PDE4D: variants seen among roughly 807,000 people sequenced by gnomAD.
PDE4D encodes the protein 3',5'-cyclic-AMP phosphodiesterase 4D.
In PDE4D, 24 loss-of-function variants were observed where a neutral mutation model predicts 87.4. That is an observed-to-expected ratio of 0.27 (90% CI 0.20 to 0.39). The LOEUF (loss-of-function observed/expected upper bound fraction) is 0.39. PDE4D is among the 10% of genes least tolerant of loss of function. The pLI is 1.00. For synonymous variants in PDE4D, 384 were observed against 383.2 expected (o/e 1.00, Z -0.02); for missense variants, 714 against 1,041.0 (o/e 0.69, Z 4.32).
intron 5 of PDE4D, among the ~76,000 whole-genome samples, chr5:59,138,647 G>A (rs1777473105): frequency 6.6e-6 from 1 of 152,186 alleles, no homozygotes; most frequent in African/African-American, 2.4e-5. Context: ...GTGGGTGGGT[G>A]TGCTCCTTTT....
chr5:59,581,229 A>G (rs535932499), intron 1 of PDE4D, among the ~76,000 whole-genome samples: 1 of 152,166 alleles, frequency 6.6e-6, no homozygotes, highest in Admixed American at 6.6e-5. Context: ...GGATTTTTTT[A>G]AAAAGGAACA....
At chr5:60,072,804 G>A (rs1157116128) in intron 2 of PDE4D, among the ~76,000 whole-genome samples, 1 of 152,056 alleles carries the variant, frequency 6.6e-6, no homozygotes, top group Non-Finnish European at 1.5e-5. Flanking sequence ...GATGGTTGTA[G>A]GTGTGCAGCC....
chr5:59,561,777 AAAAAAT>A (rs1338557723), intron 1 of PDE4D, among the ~76,000 whole-genome samples: 1 of 151,752 alleles, frequency 6.6e-6, no homozygotes, highest in African/African-American at 2.4e-5. Context: ...TAAAAATTCA[AAAAAAT>A]TAGCCAGGCA....
At chr5:59,604,198 A>T (rs185206999) in intron 1 of PDE4D, among the ~76,000 whole-genome samples, 7 of 149,442 alleles carry the variant, frequency 4.7e-5, no homozygotes, top group African/African-American at 1.7e-4. Flanking sequence ...TCTTATTACC[A>T]CTTTATTTAC....
chr5:60,444,697 A>G (rs1258475286), intron 1 of PDE4D, among the ~76,000 whole-genome samples: 2 of 151,978 alleles, frequency 1.3e-5, no homozygotes, highest in African/African-American at 4.8e-5. Flanking sequence ...CAGACTGGAT[A>G]GACAATTGCA....
rs1742316091 is a variant in PDE4D at position 58,969,908 on chromosome 5, A to G, written c.*4756T>C. 2 of 152,208 alleles carry G rather than the reference A, an allele frequency of 1.3e-5. No individual in the cohort carries two copies. Among genetic ancestry groups the G allele is most frequent in the Non-Finnish European group, 2.9e-5 (2 of 68,040 alleles). 9.4% of individuals were successfully genotyped at this position (152,208 alleles called of 1,614,324 possible). A position where few individuals can be genotyped will look rare whatever the true frequency, so the allele number is the denominator to read the frequency against. ...AAGTAATTTTGGTAATTTTTAATGT[A>G]GCAAAATTACTCAAGTTGGCTTTAT... is the stretch of plus-strand genomic sequence containing the variant. On this transcript the variant is annotated 3_prime_UTR_variant, in exon 15 of 15. Coordinates refer to ENST00000340635, the MANE Select transcript of PDE4D (RefSeq NM_001104631.2).
chr5:59,144,099 T>C (rs1778284152), intron 5 of PDE4D, among the ~76,000 whole-genome samples: 1 of 152,244 alleles, frequency 6.6e-6, no homozygotes, highest in African/African-American at 2.4e-5. Context: ...CTCTATGGCT[T>C]ATAAAGGAGC....
At chr5:59,071,748 A>G (rs1230136287) in intron 5 of PDE4D, among the ~76,000 whole-genome samples, 1 of 116,672 alleles carries the variant, frequency 8.6e-6, no homozygotes, top group Non-Finnish European at 1.6e-5. Flanking sequence ...GTGCAGTGGG[A>G]CCATGTTGGC....
intron 2 of PDE4D, among the ~76,000 whole-genome samples, chr5:60,027,744 A>G (rs943609406): frequency 6.6e-6 from 1 of 152,242 alleles, no homozygotes; most frequent in African/African-American, 2.4e-5. Flanking sequence ...GAATCTCAAT[A>G]CAGCAAAACC....
chr5:59,157,393 T>C lies in PDE4D; in HGVS notation c.808+23202A>G, dbSNP rs1438565987. ...GAAAAAGACATTTGCAAACAAGTGA[T>C]CCGAAGACATTTTTCTAAACAGGTG... On this transcript the variant is annotated intron_variant, in intron 5 of 14. Transcript: ENST00000340635. 7 of 702,046 alleles carry C rather than the reference T, an allele frequency of 1.0e-5. No individual in the cohort carries two copies. In the South Asian group the frequency reaches 1.0e-4, roughly 10 times the overall value. 43.5% of individuals were successfully genotyped at this position (702,046 alleles called of 1,614,324 possible).
intron 1 of PDE4D, among the ~76,000 whole-genome samples, chr5:59,228,534 A>C (rs1754381580): frequency 6.6e-6 from 1 of 152,044 alleles, no homozygotes; most frequent in Non-Finnish European, 1.5e-5. Flanking sequence ...TAGAGCAAGT[A>C]AAATTGATTT....
At chr5:60,188,846 G>A (rs552443718) in intron 1 of PDE4D, among the ~76,000 whole-genome samples, 92 of 152,268 alleles carry the variant, frequency 6.0e-4, no homozygotes, top group Non-Finnish European at 1.2e-3. Flanking sequence ...CAAAATCCAC[G>A]TTTTTGTCTA....
intron 1 of PDE4D, among the ~76,000 whole-genome samples, chr5:59,868,000 G>A (rs10042020): frequency 0.18 from 27,817 of 151,954 alleles, 4,762 homozygotes; most frequent in African/African-American, 0.46. Flanking sequence ...TTGTATCATC[G>A]AGTCAACCCA....
intron 1 of PDE4D, among the ~76,000 whole-genome samples, chr5:59,832,435 A>C (rs1250898224): frequency 6.6e-6 from 1 of 152,098 alleles, no homozygotes; most frequent in Non-Finnish European, 1.5e-5. Flanking sequence ...ATTTTATGAC[A>C]CCAGACTGCA....
Position 60,320,428 on chromosome 5 carries a change from C to T in PDE4D, c.-89-134741G>A, listed in dbSNP as rs188902419. On this transcript the variant is annotated intron_variant, in intron 1 of 16. Transcript: ENST00000502484. Reference sequence around the variant, plus strand: ...GGGAATTCCCTGACCCCTTATGCTTCCTGGGTGAGGTGATGCCTCGCCCTG... The same window carrying T: ...GGGAATTCCCTGACCCCTTATGCTTTCTGGGTGAGGTGATGCCTCGCCCTG... Among the ~76,000 whole-genome samples, 938 of 152,306 alleles carry T rather than the reference C, an allele frequency of 6.2e-3. 6 individuals carry two copies. The highest frequency in any genetic ancestry group is 0.01 in the Non-Finnish European group (684 of 68,026).
chr5:60,200,366 T>C (rs1445922629), intron 1 of PDE4D, among the ~76,000 whole-genome samples: 1 of 151,528 alleles, frequency 6.6e-6, no homozygotes, highest in Non-Finnish European at 1.5e-5. Context: ...TCAGAAGTCA[T>C]TGAAGAGGAG....
intron 2 of PDE4D, among the ~76,000 whole-genome samples, chr5:60,058,842 TTCC>T (rs1182416829): frequency 1.3e-5 from 2 of 151,974 alleles, no homozygotes; most frequent in African/African-American, 2.4e-5. Flanking sequence ...CATGAAAATC[TTCC>T]TCATTTTTTT....
At chr5:60,177,858 A>G (rs1784058377) in intron 2 of PDE4D, among the ~76,000 whole-genome samples, 1 of 152,198 alleles carries the variant, frequency 6.6e-6, no homozygotes, top group South Asian at 2.1e-4. Flanking sequence ...GCCACAAGAT[A>G]ATTTAATGAA....
chr5:60,494,164 T>C (rs947078691), intron 1 of PDE4D, among the ~76,000 whole-genome samples: 10 of 152,108 alleles, frequency 6.6e-5, no homozygotes, highest in African/African-American at 2.4e-4. Context: ...TATTTGAAAG[T>C]TTGAAAGCTT....
Sources: allele counts gnomAD v4.1 joint callset (sites outside exome capture counted in the v4.1 genomes callset), GRCh38; gene constraint gnomAD v4.1.1; transcripts MANE v1.5; gene names NCBI Gene and HGNC (gene_info 2026-07-23, HGNC 2026-07-21).